The following XKR9 variants were observed in gnomAD, a reference collection of about 807,000 sequenced individuals.
XKR9 encodes the protein XK related 9, also known as XK-related protein 9.
In XKR9, 32 loss-of-function variants were observed where a neutral mutation model predicts 32.0. That is an observed-to-expected ratio of 1.00 (90% CI 0.76 to 1.34). XKR9 has a LOEUF of 1.34. Among genes scored for constraint, XKR9 ranks in the 40% most tolerant of loss-of-function variants. XKR9 has a pLI of 0.00. For missense variants in XKR9, 546 were observed against 429.7 expected (o/e 1.27, Z -2.39); for synonymous variants, 168 against 143.4 (o/e 1.17, Z -1.22).
chr8:70,880,562 C>G, the XKR9 span, among the ~76,000 whole-genome samples: 1 of 152,088 alleles, frequency 6.6e-6, no homozygotes. Context: ...ATCCAACTTA[C>G]AAGGAATGTG....
chr8:70,794,589 T>C (rs1563482971), downstream of XKR9, among the ~76,000 whole-genome samples: 1 of 152,128 alleles, frequency 6.6e-6, no homozygotes, highest in Non-Finnish European at 1.5e-5. Flanking sequence ...GATTTTTCTT[T>C]GTTGATATGA....
intron 2 of XKR9, among the ~76,000 whole-genome samples, chr8:70,765,500 A>G (rs1224788381): frequency 2.0e-5 from 3 of 152,138 alleles, no homozygotes; most frequent in African/African-American, 7.2e-5. Flanking sequence ...TATATTGCAA[A>G]AATTTTCTCC....
downstream of XKR9, among the ~76,000 whole-genome samples, chr8:70,792,063 GT>G (rs1258386920): frequency 5.9e-5 from 9 of 152,044 alleles, no homozygotes. Context: ...GAAAGGATCA[GT>G]TATTCGATCT....
the XKR9 span, among the ~76,000 whole-genome samples, chr8:70,866,821 A>T: frequency 6.6e-6 from 1 of 152,152 alleles, no homozygotes; most frequent in African/African-American, 2.4e-5. Flanking sequence ...TACAAATAAT[A>T]GTTATCATTT....
At chr8:70,832,706 A>T in the XKR9 span, among the ~76,000 whole-genome samples, 3 of 152,218 alleles carry the variant, frequency 2.0e-5, no homozygotes, top group Non-Finnish European at 4.4e-5. Flanking sequence ...CCAGTAAGGG[A>T]TACCTATTAG....
At chr8:70,989,834 T>G in the XKR9 span, among the ~76,000 whole-genome samples, 2 of 152,320 alleles carry the variant, frequency 1.3e-5, no homozygotes, top group South Asian at 4.1e-4. Context: ...AAGCAGTAAG[T>G]TTCTGTTCTC....
the XKR9 span, among the ~76,000 whole-genome samples, chr8:71,029,060 C>T: frequency 6.6e-6 from 1 of 152,162 alleles, no homozygotes; most frequent in Non-Finnish European, 1.5e-5. Context: ...CGTTGTCTTC[C>T]TGTTGGTCTG....
At chr8:70,755,336 T>C (rs866337482) in intron 2 of XKR9, among the ~76,000 whole-genome samples, 1 of 152,214 alleles carries the variant, frequency 6.6e-6, no homozygotes, top group Non-Finnish European at 1.5e-5. Context: ...TCAACCATTG[T>C]GGAAGTCAGT....
In XKR9 at chr8:70,734,502, T is replaced by C; in HGVS notation, c.*78T>C. The C allele has an allele frequency of 7.2e-7, 1 of 1,389,500 alleles. No homozygotes were observed. The highest frequency in any genetic ancestry group is 9.3e-7 in the Non-Finnish European group (1 of 1,077,974). The allele number at this position is 1,389,500 out of a possible 1,614,324, so 86.1% of individuals were successfully genotyped here. A position where few individuals can be genotyped will look rare whatever the true frequency, so the allele number is the denominator to read the frequency against. ...AGAAAATGTGTGTTATGTGGGTGTG[T>C]TGTCTCTTATTTTTGCCACCTTTAA... On this transcript the variant is annotated 3_prime_UTR_variant, in exon 5 of 5. Coordinates refer to ENST00000408926, the MANE Select transcript of XKR9 (RefSeq NM_001011720.2).
At chr8:71,029,451 C>T in the XKR9 span, among the ~76,000 whole-genome samples, 1 of 152,002 alleles carries the variant, frequency 6.6e-6, no homozygotes. Context: ...TAATACTGTG[C>T]CACAGAATCT....
chr8:70,738,585 C>T (rs1257103801), downstream of XKR9, among the ~76,000 whole-genome samples: 1 of 151,302 alleles, frequency 6.6e-6, no homozygotes, highest in Non-Finnish European at 1.5e-5. Flanking sequence ...TTGATCTTTC[C>T]TGCTTTCTCT....
the XKR9 span, among the ~76,000 whole-genome samples, chr8:70,978,741 G>T: frequency 0.55 from 83,203 of 151,800 alleles, 23,716 homozygotes; most frequent in Middle Eastern, 0.62. Flanking sequence ...AGGAGTATCT[G>T]TGTGGTATTC....
rs1007838555 is a variant in XKR9, at chr8:70,777,079, G to A, written n.353-12260G>A. ...CCCATCAACTTGTTATTTACATTAG[G>A]TGTTTCTCCTAATGCTATCCCTCTC... On this transcript the variant is annotated intron_variant and non_coding_transcript_variant, in intron 2 of 3. Transcript: ENST00000520273. Among the ~76,000 whole-genome samples the A allele has an allele frequency of 1.2e-4, 18 of 151,484 alleles. No homozygotes were observed. In the South Asian group the frequency reaches 2.5e-3, roughly 21 times the overall value.
the XKR9 span, among the ~76,000 whole-genome samples, chr8:71,006,195 G>A: frequency 1.3e-5 from 2 of 152,376 alleles, no homozygotes; most frequent in African/African-American, 4.8e-5. Flanking sequence ...GACATTATGA[G>A]AGATATTCCA....
chr8:70,867,764 T>A, the XKR9 span, among the ~76,000 whole-genome samples: 1 of 152,074 alleles, frequency 6.6e-6, no homozygotes, highest in Non-Finnish European at 1.5e-5. Flanking sequence ...TACCCCAAAG[T>A]CTTAACTCAT....
chr8:71,043,606 G>C, the XKR9 span, among the ~76,000 whole-genome samples: 2 of 152,140 alleles, frequency 1.3e-5, no homozygotes, highest in Non-Finnish European at 2.9e-5. Context: ...TTTCATATTT[G>C]AGTCATGAAT....
intron 4 of XKR9, among the ~76,000 whole-genome samples, chr8:70,712,940 TATC>T: frequency 6.6e-6 from 1 of 152,130 alleles, no homozygotes; most frequent in Admixed American, 6.5e-5. Flanking sequence ...ACAACTAAGA[TATC>T]ATGAATAAGA....
chr8:70,902,494 C>T, the XKR9 span, among the ~76,000 whole-genome samples: 3 of 152,148 alleles, frequency 2.0e-5, no homozygotes, highest in Non-Finnish European at 2.9e-5. Context: ...GATTTTTGCA[C>T]ATTGATTTTG....
the XKR9 span, among the ~76,000 whole-genome samples, chr8:70,836,922 A>C: frequency 6.6e-6 from 1 of 152,084 alleles, no homozygotes; most frequent in South Asian, 2.1e-4. Flanking sequence ...GAAATTGCTC[A>C]GTTACATTGT....
Sources: gnomAD v4.1 joint callset for allele counts (sites outside exome capture counted in the v4.1 genomes callset) on GRCh38, gnomAD v4.1.1 for gene constraint, MANE v1.5 for transcripts, NCBI Gene and HGNC (gene_info 2026-07-23, HGNC 2026-07-21) for gene names.